Variants in ASXL2 observed in about 807,000 individuals in gnomAD.
ASXL2 encodes putative Polycomb group protein ASXL2.
ASXL2 carries 23 observed loss-of-function variants against 122.0 expected under a neutral mutation model. The ratio of observed to expected loss-of-function variants is 0.19; its 90% CI spans 0.14 to 0.27. The LOEUF (loss-of-function observed/expected upper bound fraction) is 0.27, where lower values mean the gene tolerates loss of function less well. ASXL2 is among the 10% of genes least tolerant of loss of function. The pLI is 1.00. For missense variants in ASXL2, 1,518 were observed against 1,713.8 expected, an observed-to-expected ratio of 0.89 and a Z score of 2.02; for synonymous variants, 650 against 637.0, an observed-to-expected ratio of 1.02 and a Z score of -0.31.
At chr2:25,798,704 C>CA (rs1244990409) in intron 5 of ASXL2, among the ~76,000 whole-genome samples, 12 of 152,162 alleles carry the variant, frequency 7.9e-5, no homozygotes, top group African/African-American at 2.6e-4. Context: ...GCAGAAGTTG[C>CA]AATGAGCTGA....
intron 6 of ASXL2, 123 bp downstream of exon 6, chr2:25,771,317 A>G: frequency 1.3e-6 from 1 of 755,714 alleles, no homozygotes; most frequent in Non-Finnish European, 2.1e-6. Context: ...GGGCTACTGC[A>G]TGAAAGTTCC....
At chr2:25,801,005 T>C (rs2088989992) in intron 4 of ASXL2, among the ~76,000 whole-genome samples, 1 of 152,188 alleles carries the variant, frequency 6.6e-6, no homozygotes, top group Non-Finnish European at 1.5e-5. Flanking sequence ...CAGCTCACTG[T>C]AGCCTCGACC....
rs188775618 is a variant in ASXL2 at position 25,740,547 on chromosome 2, G to A, written c.*1482C>T. ...TAATACAAAATTCTGTTAAACTGCA[G>A]GTTTATTTTAATGTTCCTTAACCAT... is the stretch of plus-strand genomic sequence containing the variant. On this transcript the variant is annotated 3_prime_UTR_variant, in exon 13 of 13. Coordinates refer to ENST00000435504, the MANE Select transcript of ASXL2 (RefSeq NM_018263.6). 4.8e-4 allele frequency: 111 copies of A among 229,102 alleles called. No homozygotes were observed. The highest frequency in any genetic ancestry group is 4.7e-3 in the East Asian group (75 of 15,944). The allele number at this position is 229,102 out of a possible 1,614,324, so 14.2% of individuals were successfully genotyped here.
chr2:25,813,498 T>C (rs111595082), intron 3 of ASXL2, among the ~76,000 whole-genome samples: 1 of 152,304 alleles, frequency 6.6e-6, no homozygotes, highest in African/African-American at 2.4e-5. Flanking sequence ...AAGAGAACTG[T>C]TGTTGTCAAG....
intron 6 of ASXL2, among the ~76,000 whole-genome samples, chr2:25,770,231 C>T (rs184678137): frequency 1.5e-4 from 23 of 151,784 alleles, no homozygotes; most frequent in Admixed American, 1.2e-3. Context: ...TTTTTTCAGA[C>T]GGGGTCTTGC....
intron 5 of ASXL2, among the ~76,000 whole-genome samples, chr2:25,782,206 T>G (rs1431586369): frequency 6.6e-6 from 1 of 152,080 alleles, no homozygotes; most frequent in African/African-American, 2.4e-5. Flanking sequence ...CTGATTCTTG[T>G]CGCCGGTTAC....
At chr2:25,818,572 C>T (rs1383067822) in intron 3 of ASXL2, among the ~76,000 whole-genome samples, 1 of 152,130 alleles carries the variant, frequency 6.6e-6, no homozygotes, top group Non-Finnish European at 1.5e-5. Context: ...AATTAAATTG[C>T]TACTTACCCT....
chr2:25,759,979 AT>A (rs2149146930), intron 8 of ASXL2, among the ~76,000 whole-genome samples: 1 of 152,334 alleles, frequency 6.6e-6, no homozygotes, highest in East Asian at 1.9e-4. Context: ...ATGATAAATG[AT>A]ATGAAGAATG....
At chr2:25,765,211 G>C (rs540469635) in intron 8 of ASXL2, among the ~76,000 whole-genome samples, 28 of 152,136 alleles carry the variant, frequency 1.8e-4, no homozygotes, top group South Asian at 1.5e-3. Flanking sequence ...TGTGGCTGGG[G>C]GCGGTGGCTC....
chr2:25,742,282 C>T lies in ASXL2; in HGVS notation c.4055G>A (p.Ser1352Asn). Residue 1352 changes from serine to asparagine, a missense_variant, in exon 13 of 13, where the codon AGC (serine) becomes AAC (asparagine). Ser to Asn is a conservative substitution (Grantham distance 46). Transcript: ENST00000435504. ...NSAVPGSQVSSNVGDVMSFSV... is the reference protein window; with the variant it reads ...NSAVPGSQVSNNVGDVMSFSV... The stretch of plus-strand genomic sequence containing the variant: ...AAATGACATGACATCACCTACATTG[C>T]TAGATACCTGGCTACCTGGTACAGC... 6.2e-7 allele frequency: 1 copy of T among 1,613,994 alleles called. No homozygotes were observed. The highest frequency in any genetic ancestry group is 2.2e-5 in the East Asian group (1 of 44,884).
chr2:25,844,595 A>C (rs977925666), intron 2 of ASXL2, among the ~76,000 whole-genome samples: 8 of 151,738 alleles, frequency 5.3e-5, no homozygotes, highest in Middle Eastern at 3.2e-3. Context: ...AACAAACAAA[A>C]AAAACAAAAC....
chr2:25,741,727 ACATT>A lies in ASXL2; in HGVS notation c.*298_*301del, dbSNP rs1320303082. 5.3e-5 allele frequency: 18 copies of A among 342,662 alleles called. No individual in the cohort carries two copies. The highest frequency in any genetic ancestry group is 8.5e-5 in the Admixed American group (2 of 23,566). 21.2% of individuals were successfully genotyped at this position (342,662 alleles called of 1,614,324 possible). A position where few individuals can be genotyped will look rare whatever the true frequency, so the allele number is the denominator to read the frequency against. On this transcript the variant is annotated 3_prime_UTR_variant, in exon 13 of 13. Transcript: ENST00000435504. ...AACATTAATCTGAATTCAAAGTAAT[ACATT>A]ATTACCTAAACACTTGGAAAAATAA...
intron 2 of ASXL2, among the ~76,000 whole-genome samples, chr2:25,840,369 G>A (rs921093209): frequency 2.0e-5 from 3 of 152,090 alleles, no homozygotes; most frequent in Admixed American, 6.5e-5. Context: ...GGTTGGTTGC[G>A]GTAAAACCCA....
intron 10 of ASXL2, among the ~76,000 whole-genome samples, chr2:25,754,305 T>C (rs2088095942): frequency 6.6e-6 from 1 of 152,118 alleles, no homozygotes; most frequent in Admixed American, 6.5e-5. Context: ...CAGAGAACAG[T>C]GAATGTGCTT....
chr2:25,782,098 T>A (rs2088652678), intron 5 of ASXL2, among the ~76,000 whole-genome samples: 1 of 151,260 alleles, frequency 6.6e-6, no homozygotes, highest in Non-Finnish European at 1.5e-5. Context: ...GGGCCAACAG[T>A]TCTTTTTAAT....
At chr2:25,781,771 C>T (rs541943421) in intron 5 of ASXL2, among the ~76,000 whole-genome samples, 6 of 150,340 alleles carry the variant, frequency 4.0e-5, no homozygotes, top group East Asian at 2.0e-4. Context: ...TGGGTTCAAG[C>T]GATTCTTCTG....
chr2:25,872,968 G>A (rs1352842705), intron 1 of ASXL2, among the ~76,000 whole-genome samples: 4 of 151,926 alleles, frequency 2.6e-5, no homozygotes, highest in East Asian at 1.9e-4. Context: ...AGTTTTTGGG[G>A]AAAAGGTGGT....
chr2:25,793,377 A>G (rs2088865316), intron 5 of ASXL2, among the ~76,000 whole-genome samples: 1 of 152,252 alleles, frequency 6.6e-6, no homozygotes, highest in Admixed American at 6.5e-5. Flanking sequence ...ACATACATAC[A>G]TTATTACAGC....
Position 25,740,225 on chromosome 2 carries a change from G to T in ASXL2, c.*1804C>A, listed in dbSNP as rs770248046. The T allele has an allele frequency of 9.1e-6, 2 of 220,698 alleles. No homozygotes were observed. Among genetic ancestry groups the T allele is most frequent in the Non-Finnish European group, 9.1e-6 (1 of 110,376 alleles). 13.7% of individuals were successfully genotyped at this position (220,698 alleles called of 1,614,324 possible). Reference sequence around the variant, plus strand: ...AAAAACAGTGAAGTGAGTTTCTTACGGAGAGGAGCGGAGCAGGGGCTGTGG... The same window carrying T: ...AAAAACAGTGAAGTGAGTTTCTTACTGAGAGGAGCGGAGCAGGGGCTGTGG... On this transcript the variant is annotated 3_prime_UTR_variant, in exon 13 of 13. Coordinates refer to ENST00000435504, the MANE Select transcript of ASXL2 (RefSeq NM_018263.6).
Sources: gnomAD v4.1 joint callset for allele counts (sites outside exome capture counted in the v4.1 genomes callset) on GRCh38, gnomAD v4.1.1 for gene constraint, MANE v1.5 for transcripts, NCBI Gene and HGNC (gene_info 2026-07-23, HGNC 2026-07-21) for gene names.